Variants in TNNI3K observed in about 807,000 individuals in gnomAD.
The protein encoded by TNNI3K is TNNI3 interacting kinase, also known as serine/threonine-protein kinase TNNI3K.
In TNNI3K, 140 loss-of-function variants were observed where a neutral mutation model predicts 114.5. The observed-to-expected ratio is 1.22, with a 90% confidence interval of 1.07 to 1.41. The LOEUF (loss-of-function observed/expected upper bound fraction) is 1.41, where lower values mean the gene tolerates loss of function less well. Among genes scored for constraint, TNNI3K ranks in the 40% most tolerant of loss-of-function variants. The probability of loss-of-function intolerance (pLI) is 0.00; values close to 1 mark genes in which losing one functional copy is unlikely to be tolerated. For missense variants in TNNI3K, 1,125 were observed against 1,007.6 expected (o/e 1.12, Z -1.58); for synonymous variants, 347 against 347.5 (o/e 1.00, Z 0.02).
At position 74,261,416 on chromosome 1, in the gene TNNI3K, A is replaced by G. The variant is rs567763070; in HGVS notation, c.334-10182A>G. Among the ~76,000 whole-genome samples the G allele has an allele frequency of 2.2e-4, 33 of 152,256 alleles. No individual in the cohort carries two copies. In the East Asian group the frequency reaches 6.2e-3, roughly 28 times the overall value. ...GCCAGTGTAAATTTACATGTTAAAC[A>G]TGAATGAAACTTCATTTATCTTTAT... On this transcript the variant is annotated intron_variant, in intron 4 of 24. Coordinates refer to ENST00000326637, the MANE Select transcript of TNNI3K (RefSeq NM_015978.3).
chr1:74,439,295 C>A, intron 19 of TNNI3K, 195 bp from the exon 20 acceptor site: 2 of 706,368 alleles, frequency 2.8e-6, no homozygotes, highest in Non-Finnish European at 4.0e-6. Context: ...ACTGAACAGC[C>A]ACAGTAAACA....
intron 21 of TNNI3K, among the ~76,000 whole-genome samples, chr1:74,485,037 C>G (rs1029868260): frequency 1.3e-5 from 2 of 152,114 alleles, no homozygotes; most frequent in African/African-American, 4.8e-5. Context: ...AATTTGAGCT[C>G]ATTTAACCTG....
chr1:74,385,275 T>C (rs1172619007), intron 17 of TNNI3K, among the ~76,000 whole-genome samples: 1 of 152,146 alleles, frequency 6.6e-6, no homozygotes, highest in African/African-American at 2.4e-5. Flanking sequence ...ATGAATCTTT[T>C]TGGGGTGACA....
chr1:74,366,595 G>A (rs1228482480), intron 11 of TNNI3K: 2 of 151,954 alleles, frequency 1.3e-5, no homozygotes, highest in African/African-American at 2.4e-5. Context: ...GTTTCTTAAG[G>A]CACAGACCTG....
chr1:74,421,330 A>C (rs549007582), intron 17 of TNNI3K, among the ~76,000 whole-genome samples: 2 of 152,294 alleles, frequency 1.3e-5, no homozygotes, highest in African/African-American at 4.8e-5. Context: ...GTGGGCGTTC[A>C]GAAGTACACA....
intron 23 of TNNI3K, among the ~76,000 whole-genome samples, chr1:74,495,140 T>C (rs907884661): frequency 6.6e-6 from 1 of 152,242 alleles, no homozygotes; most frequent in Non-Finnish European, 1.5e-5. Flanking sequence ...CTGACTGTTA[T>C]GGAACTCTGA....
rs951591257 is a variant in TNNI3K at position 74,243,743 on chromosome 1, A to G, written c.150-5716A>G. ...AAAGAAAGTAACCTTTGGGTACAGAACTATCATTTTTAATGATTAAGAACA... is the reference window on the plus strand; with the variant it reads ...AAAGAAAGTAACCTTTGGGTACAGAGCTATCATTTTTAATGATTAAGAACA... On this transcript the variant is annotated intron_variant, in intron 2 of 24. Transcript: ENST00000326637. Among the ~76,000 whole-genome samples, 9 of 152,306 alleles carry G rather than the reference A, an allele frequency of 5.9e-5. No homozygotes were observed. The South Asian group carries it at 1.9e-3, about 32-fold the overall frequency.
At chr1:74,441,727 A>G (rs956833743) in intron 20 of TNNI3K, among the ~76,000 whole-genome samples, 20 of 152,126 alleles carry the variant, frequency 1.3e-4, no homozygotes, top group African/African-American at 4.6e-4. Flanking sequence ...TGATATTTAC[A>G]TTTCACTGAT....
At chr1:74,445,195 AAAG>A (rs899603338) in intron 20 of TNNI3K, among the ~76,000 whole-genome samples, 14 of 146,594 alleles carry the variant, frequency 9.6e-5, no homozygotes, top group Non-Finnish European at 1.0e-4. Context: ...GATCTAAACT[AAAG>A]AACTTCTTTT....
chr1:74,502,262 A>G (rs1339545292), intron 23 of TNNI3K, among the ~76,000 whole-genome samples: 1 of 152,200 alleles, frequency 6.6e-6, no homozygotes, highest in Non-Finnish European at 1.5e-5. Flanking sequence ...CTGTTTCTCC[A>G]GTACTTAGAA....
At chr1:74,251,905 T>TA (rs1654952203) in intron 4 of TNNI3K, among the ~76,000 whole-genome samples, 1 of 152,218 alleles carries the variant, frequency 6.6e-6, no homozygotes, top group South Asian at 2.1e-4. Context: ...AAGCCTCAGT[T>TA]AAGTGCTAAA....
intron 23 of TNNI3K, among the ~76,000 whole-genome samples, chr1:74,527,003 T>G (rs1008429168): frequency 6.6e-6 from 1 of 152,252 alleles, no homozygotes. Context: ...AAATATTTAC[T>G]GTCTGGTCCT....
At chr1:74,523,824 T>C (rs1207375077) in intron 23 of TNNI3K, among the ~76,000 whole-genome samples, 2 of 152,236 alleles carry the variant, frequency 1.3e-5, no homozygotes, top group African/African-American at 4.8e-5. Flanking sequence ...GTGCAGAACG[T>C]GCAGGTTTGT....
chr1:74,426,004 TAA>T (rs10712987), intron 17 of TNNI3K, among the ~76,000 whole-genome samples: 1 of 151,804 alleles, frequency 6.6e-6, no homozygotes, highest in African/African-American at 2.4e-5. Flanking sequence ...TCAGTGAATT[TAA>T]AAAAAAATAG....
chr1:74,294,861 T>G (rs956211235), intron 5 of TNNI3K, among the ~76,000 whole-genome samples: 3 of 151,810 alleles, frequency 2.0e-5, no homozygotes, highest in Admixed American at 2.0e-4. Context: ...ATCTTCTCTA[T>G]TTTTTTTACT....
intron 21 of TNNI3K, chr1:74,472,240 AGTT>A: frequency 1.4e-6 from 1 of 713,544 alleles, no homozygotes; most frequent in East Asian, 2.7e-5. Context: ...CACTTAGCAG[AGTT>A]TTATTACCCC....
chr1:74,314,893 T>G (rs1343591160), intron 5 of TNNI3K, among the ~76,000 whole-genome samples: 1 of 152,150 alleles, frequency 6.6e-6, no homozygotes, highest in Non-Finnish European at 1.5e-5. Flanking sequence ...ATTTATATCT[T>G]ATACTTAGGA....
intron 5 of TNNI3K, among the ~76,000 whole-genome samples, chr1:74,311,893 G>A (rs142743404): frequency 9.9e-4 from 151 of 152,146 alleles, no homozygotes; most frequent in African/African-American, 3.5e-3. Context: ...TAACATTCTG[G>A]CCTAATCATT....
intron 20 of TNNI3K, among the ~76,000 whole-genome samples, chr1:74,460,426 A>G (rs1667409886): frequency 6.6e-6 from 1 of 152,344 alleles, no homozygotes; most frequent in Non-Finnish European, 1.5e-5. Context: ...CTATTGATAA[A>G]TATTTCAGGA....
Sources: gnomAD v4.1 joint callset for allele counts (sites outside exome capture counted in the v4.1 genomes callset) on GRCh38, gnomAD v4.1.1 for gene constraint, MANE v1.5 for transcripts, NCBI Gene and HGNC (gene_info 2026-07-23, HGNC 2026-07-21) for gene names.